The following SAMMSON variants were observed in gnomAD, a reference collection of about 807,000 sequenced individuals.
SAMMSON encodes the protein long intergenic non-protein coding RNA 1212.
chr3:70,360,382 A>G lies in SAMMSON; in HGVS notation n.913+2058A>G, dbSNP rs573812197. On this transcript the variant is annotated intron_variant and non_coding_transcript_variant, in intron 9 of 9. Transcript: ENST00000642114. ...GAAACAATGTTAAGTGGTTATGGAC[A>G]TTAATTCTTTTGCAGTAAAAGCTGA... Among the ~76,000 whole-genome samples, 4 of 152,324 alleles carry G rather than the reference A, an allele frequency of 2.6e-5. No homozygotes were observed. The East Asian group carries it at 7.7e-4, about 29-fold the overall frequency.
intron 6 of SAMMSON, among the ~76,000 whole-genome samples, chr3:70,286,935 T>C (rs1253689144): frequency 6.6e-6 from 1 of 151,684 alleles, no homozygotes; most frequent in Non-Finnish European, 1.5e-5. Context: ...TGAAGTTGCT[T>C]ATCAGCTTAA....
At chr3:70,010,908 T>C (rs2066952080) in intron 1 of SAMMSON, among the ~76,000 whole-genome samples, 1 of 152,054 alleles carries the variant, frequency 6.6e-6, no homozygotes. Flanking sequence ...TGAGACTCAC[T>C]GACTATCGTG....
chr3:70,203,683 T>C (rs552165658), intron 4 of SAMMSON, among the ~76,000 whole-genome samples: 1 of 152,258 alleles, frequency 6.6e-6, no homozygotes, highest in African/African-American at 2.4e-5. Flanking sequence ...TATTCAGTAG[T>C]CCATGGTGTA....
chr3:70,392,627 C>A (rs180741198), downstream of SAMMSON, among the ~76,000 whole-genome samples: 12 of 152,244 alleles, frequency 7.9e-5, no homozygotes, highest in African/African-American at 2.9e-4. Flanking sequence ...AAAATGGGGG[C>A]TCTAGCATCA....
downstream of SAMMSON, among the ~76,000 whole-genome samples, chr3:70,393,958 T>C (rs761842704): frequency 1.3e-5 from 2 of 152,124 alleles, no homozygotes; most frequent in Non-Finnish European, 2.9e-5. Flanking sequence ...ATGTAGAGAA[T>C]GGATGAGAGG....
At chr3:70,285,127 T>C (rs1702130426) in intron 6 of SAMMSON, among the ~76,000 whole-genome samples, 1 of 151,812 alleles carries the variant, frequency 6.6e-6, no homozygotes, top group African/African-American at 2.4e-5. Flanking sequence ...TACATATGTA[T>C]ACATGTGCCA....
At chr3:70,336,047 T>A (rs1017694559) in intron 7 of SAMMSON, among the ~76,000 whole-genome samples, 10 of 152,012 alleles carry the variant, frequency 6.6e-5, no homozygotes, top group Non-Finnish European at 1.2e-4. Context: ...AAGAACCTCA[T>A]ATTCTAAATG....
intron 4 of SAMMSON, chr3:70,205,917 A>AGATTGCTGATGAGATTGCT (rs1559534670): frequency 3.3e-5 from 5 of 151,876 alleles, no homozygotes; most frequent in Admixed American, 6.6e-5. Flanking sequence ...GTAAAATTCC[A>AGATTGCTGATGAGATTGCT]TATCTTGGTG....
intron 9 of SAMMSON, among the ~76,000 whole-genome samples, chr3:70,381,402 G>A (rs1703067054): frequency 6.6e-6 from 1 of 152,162 alleles, no homozygotes; most frequent in Admixed American, 6.5e-5. Flanking sequence ...CAAAACGATG[G>A]GGTGAAAGAC....
At chr3:70,156,769 A>G (rs1051780667) in intron 4 of SAMMSON, among the ~76,000 whole-genome samples, 2 of 152,088 alleles carry the variant, frequency 1.3e-5, no homozygotes, top group African/African-American at 4.8e-5. Flanking sequence ...TGGAAAGTGA[A>G]AGAAGGGGAA....
intron 9 of SAMMSON, among the ~76,000 whole-genome samples, chr3:70,375,934 T>C (rs1703010827): frequency 6.6e-6 from 1 of 152,192 alleles, no homozygotes; most frequent in Non-Finnish European, 1.5e-5. Flanking sequence ...CATTTATATC[T>C]TAGCTTCATT....
chr3:70,141,950 T>C (rs546733869), intron 4 of SAMMSON, among the ~76,000 whole-genome samples: 1 of 152,248 alleles, frequency 6.6e-6, no homozygotes, highest in South Asian at 2.1e-4. Flanking sequence ...TCACTAATGA[T>C]CAGGGAAATG....
At chr3:70,011,137 A>G (rs1157986614) in intron 1 of SAMMSON, among the ~76,000 whole-genome samples, 2 of 152,110 alleles carry the variant, frequency 1.3e-5, no homozygotes, top group African/African-American at 2.4e-5. Flanking sequence ...TAATTACTGT[A>G]GATACATAAT....
intron 3 of SAMMSON, among the ~76,000 whole-genome samples, chr3:70,030,951 C>T (rs773470865): frequency 1.4e-4 from 22 of 152,042 alleles, no homozygotes; most frequent in Non-Finnish European, 3.1e-4. Flanking sequence ...GCTGGTGAGG[C>T]GTAAAATTGT....
chr3:70,142,649 T>C (rs1576133730), intron 4 of SAMMSON, among the ~76,000 whole-genome samples: 1 of 152,042 alleles, frequency 6.6e-6, no homozygotes, highest in Non-Finnish European at 1.5e-5. Context: ...AACTTACTCA[T>C]GTAACCAAAC....
intron 9 of SAMMSON, among the ~76,000 whole-genome samples, chr3:70,360,844 A>G (rs1465058288): frequency 6.6e-6 from 1 of 152,160 alleles, no homozygotes; most frequent in Non-Finnish European, 1.5e-5. Context: ...TTAAAATATT[A>G]TTTAGTCTAA....
intron 7 of SAMMSON, among the ~76,000 whole-genome samples, chr3:70,343,965 C>T (rs965560206): frequency 1.3e-5 from 2 of 151,088 alleles, no homozygotes; most frequent in Non-Finnish European, 2.9e-5. Flanking sequence ...ATTGTTCTAT[C>T]TTTGGTCATT....
intron 4 of SAMMSON, among the ~76,000 whole-genome samples, chr3:70,092,191 G>C (rs116267998): frequency 0.02 from 3,005 of 151,974 alleles, 52 homozygotes; most frequent in Admixed American, 0.033. Flanking sequence ...AATGAGAGTG[G>C]AATTAGATGA....
At chr3:70,184,706 G>A (rs1576146910) in intron 4 of SAMMSON, among the ~76,000 whole-genome samples, 2 of 152,204 alleles carry the variant, frequency 1.3e-5, no homozygotes, top group Non-Finnish European at 2.9e-5. Flanking sequence ...TGGAGTCTCA[G>A]TTCCCATTGA....
Sources: gnomAD v4.1 joint callset for allele counts (sites outside exome capture counted in the v4.1 genomes callset) on GRCh38, gnomAD v4.1.1 for gene constraint, MANE v1.5 for transcripts, NCBI Gene and HGNC (gene_info 2026-07-23, HGNC 2026-07-21) for gene names.